The following ABHD12 variants were observed in gnomAD, a reference collection of about 807,000 sequenced individuals.
ABHD12 encodes abhydrolase domain containing 12, lysophospholipase, also known as lysophosphatidylserine lipase ABHD12.
ABHD12 carries 43 observed loss-of-function variants against 58.3 expected under a neutral mutation model. The ratio of observed to expected loss-of-function variants is 0.74; its 90% CI spans 0.58 to 0.95. The LOEUF (loss-of-function observed/expected upper bound fraction) is 0.95. ABHD12 is among the 40% of genes least tolerant of loss of function. The pLI is 0.00. For synonymous variants in ABHD12, 219 were observed against 211.2 expected (o/e 1.04, Z -0.32); for missense variants, 539 against 537.2 (o/e 1.00, Z -0.03).
intron 2 of ABHD12, among the ~76,000 whole-genome samples, chr20:25,334,563 G>A (rs1440287521): frequency 1.3e-5 from 2 of 152,088 alleles, no homozygotes; most frequent in Non-Finnish European, 2.9e-5. Context: ...TATACTACAA[G>A]GCTACAGTAA....
intron 4 of ABHD12, 68 bp from the exon 5 acceptor site, chr20:25,317,146 T>TC (rs1169038825): frequency 8.9e-7 from 1 of 1,126,966 alleles, no homozygotes; most frequent in Non-Finnish European, 1.3e-6. Flanking sequence ...CAACTTGTCC[T>TC]CCATACCCCA....
At chr20:25,298,352 G>GCCTC (rs1218154517), downstream of ABHD12, among the ~76,000 whole-genome samples, 1 of 152,014 alleles carries the variant, frequency 6.6e-6, no homozygotes, top group Non-Finnish European at 1.5e-5. Flanking sequence ...TGCAACCTCC[G>GCCTC]CCTCCTGGGT....
At chr20:25,359,423 C>CAAAAAAAAAAAAAA (rs565367954) in intron 1 of ABHD12, among the ~76,000 whole-genome samples, 1 of 63,120 alleles carries the variant, frequency 1.6e-5, no homozygotes, top group African/African-American at 4.2e-5. Flanking sequence ...GACTCCGTCT[C>CAAAAAAAAAAAAAA]AAAAAAAAAA....
At chr20:25,331,881 G>A (rs1305725024) in intron 2 of ABHD12, among the ~76,000 whole-genome samples, 1 of 151,856 alleles carries the variant, frequency 6.6e-6, no homozygotes, top group Non-Finnish European at 1.5e-5. Flanking sequence ...TCGAGACTAG[G>A]AAGAAACTGC....
intron 3 of ABHD12, among the ~76,000 whole-genome samples, chr20:25,322,474 C>T (rs188992399): frequency 9.1e-5 from 13 of 143,118 alleles, no homozygotes; most frequent in Non-Finnish European, 1.7e-4. Flanking sequence ...CTGCCTCCTG[C>T]GTTCAAGCAA....
intron 7 of ABHD12, 64 bp from the exon 8 acceptor site, chr20:25,308,558 T>G: frequency 2.1e-3 from 2,726 of 1,324,890 alleles, no homozygotes; most frequent in Non-Finnish European, 2.6e-3. Context: ...ATATGGGCCT[T>G]ATGCTGGAAA....
At chr20:25,352,002 T>A (rs2089606413) in intron 1 of ABHD12, among the ~76,000 whole-genome samples, 1 of 152,248 alleles carries the variant, frequency 6.6e-6, no homozygotes, top group South Asian at 2.1e-4. Context: ...ATTTTATTTT[T>A]ATTTTTTGAG....
chr20:25,314,465 G>A (rs1422635089), intron 6 of ABHD12, among the ~76,000 whole-genome samples: 2 of 151,998 alleles, frequency 1.3e-5, no homozygotes, highest in African/African-American at 2.4e-5. Flanking sequence ...ATCGCTTGAG[G>A]CCAGGAGTCT....
At chr20:25,363,277 G>A (rs1480420072) in intron 1 of ABHD12, among the ~76,000 whole-genome samples, 2 of 147,566 alleles carry the variant, frequency 1.4e-5, no homozygotes, top group Non-Finnish European at 3.0e-5. Flanking sequence ...GGAGTGCAGT[G>A]GTGCAATCTT....
At chr20:25,302,193 C>T in intron 12 of ABHD12, 26 bp downstream of exon 12, 1 of 1,612,462 alleles carries the variant, frequency 6.2e-7, no homozygotes, top group South Asian at 1.1e-5. Flanking sequence ...CAGACGAAGC[C>T]CCTGGGTGGG....
At chr20:25,344,427 C>A (rs1418830664) in intron 1 of ABHD12, among the ~76,000 whole-genome samples, 1 of 152,218 alleles carries the variant, frequency 6.6e-6, no homozygotes, top group Non-Finnish European at 1.5e-5. Flanking sequence ...TTGCCATTTA[C>A]ATTAGCAACC....
At chr20:25,378,419 G>C (rs2089984622) in intron 1 of ABHD12, among the ~76,000 whole-genome samples, 1 of 152,186 alleles carries the variant, frequency 6.6e-6, no homozygotes, top group African/African-American at 2.4e-5. Context: ...GGCATTGACA[G>C]GGCCACTTTC....
At chr20:25,307,091 T>C (rs1385478074) in intron 9 of ABHD12, among the ~76,000 whole-genome samples, 176 bp from the exon 10 acceptor site, 4 of 152,220 alleles carry the variant, frequency 2.6e-5, no homozygotes, top group Non-Finnish European at 4.4e-5. Context: ...TGGCACCTTC[T>C]GCCCTGGCCG....
At chr20:25,389,522 C>T (rs1224895523) in intron 1 of ABHD12, among the ~76,000 whole-genome samples, 1 of 152,156 alleles carries the variant, frequency 6.6e-6, no homozygotes, top group Non-Finnish European at 1.5e-5. Flanking sequence ...CAAACCACCA[C>T]GAAGTAGCAA....
intron 1 of ABHD12, among the ~76,000 whole-genome samples, chr20:25,388,619 C>T (rs1439593805): frequency 6.6e-6 from 1 of 152,120 alleles, no homozygotes; most frequent in African/African-American, 2.4e-5. Context: ...CTTTTTACCC[C>T]TAACAGCCTT....
intron 1 of ABHD12, among the ~76,000 whole-genome samples, chr20:25,358,254 T>A (rs139879986): frequency 1.3e-3 from 199 of 152,262 alleles, no homozygotes; most frequent in African/African-American, 4.7e-3. Context: ...CAGGAAGAAC[T>A]AGGAAGAAGC....
At chr20:25,353,654 T>C (rs2089631137) in intron 1 of ABHD12, among the ~76,000 whole-genome samples, 1 of 152,154 alleles carries the variant, frequency 6.6e-6, no homozygotes. Flanking sequence ...GGCAGACCCT[T>C]GGCTCTTACG....
At chr20:25,361,949 C>T (rs957961113) in intron 1 of ABHD12, among the ~76,000 whole-genome samples, 12 of 147,646 alleles carry the variant, frequency 8.1e-5, no homozygotes, top group African/African-American at 2.3e-4. Flanking sequence ...AGCGACACTC[C>T]GTCTCAAAAC....
intron 1 of ABHD12, among the ~76,000 whole-genome samples, chr20:25,361,056 C>A (rs182014415): frequency 6.6e-6 from 1 of 152,216 alleles, no homozygotes; most frequent in East Asian, 1.9e-4. Context: ...GGACACAGGC[C>A]AAGGTGAGCT....
Sources: allele counts gnomAD v4.1 joint callset (sites outside exome capture counted in the v4.1 genomes callset), GRCh38; gene constraint gnomAD v4.1.1; transcripts MANE v1.5; gene names NCBI Gene and HGNC (gene_info 2026-07-23, HGNC 2026-07-21).